RANGAP1: variants seen among roughly 807,000 people sequenced by gnomAD.
RANGAP1 encodes ran GTPase-activating protein 1.
A neutral mutation model predicts 63.5 loss-of-function variants in RANGAP1; 38 were observed. The ratio of observed to expected loss-of-function variants is 0.60; its 90% confidence interval spans 0.46 to 0.78. The LOEUF (loss-of-function observed/expected upper bound fraction) is 0.78. Among genes scored for constraint, RANGAP1 ranks in the 30% least tolerant of loss-of-function variants. The probability of loss-of-function intolerance (pLI) is 0.00; values close to 1 mark genes in which losing one functional copy is unlikely to be tolerated. For missense variants in RANGAP1, 630 were observed against 740.3 expected (o/e 0.85, Z 1.73); for synonymous variants, 329 against 310.5 (o/e 1.06, Z -0.63).
the RANGAP1 span, among the ~76,000 whole-genome samples, chr22:41,294,192 A>C: frequency 5.3e-5 from 8 of 152,264 alleles, no homozygotes; most frequent in African/African-American, 1.4e-4. Flanking sequence ...CCTGCGATTG[A>C]AGGCGTGCGC....
Position 41,254,299 on chromosome 22 carries a change from G to C in RANGAP1, c.1260+9C>G. On this transcript the variant is annotated intron_variant, in intron 11 of 15. Coordinates refer to ENST00000356244, the MANE Select transcript of RANGAP1 (RefSeq NM_002883.4). ...AGGGCTCTGATTGTGGCAGATGATA[G>C]AAACTCACCCCAGTGTTAGGGTCCA... The C allele has an allele frequency of 2.5e-6, 4 of 1,614,058 alleles. No individual in the cohort carries two copies. The highest frequency in any genetic ancestry group is 3.4e-6 in the Non-Finnish European group (4 of 1,179,990).
Position 41,249,520 on chromosome 22 carries a change from T to A in RANGAP1, c.1573-69A>T, listed in dbSNP as rs116354020. ...CTGGGGGGGCCCCTGGACTCCACCA[T>A]CCAGACTCTGCTGATAGTGCCCACA... is the stretch of plus-strand genomic sequence containing the variant. On this transcript the variant is annotated intron_variant, in intron 14 of 15. Coordinates refer to ENST00000356244, the MANE Select transcript of RANGAP1 (RefSeq NM_002883.4). The A allele has an allele frequency of 3.3e-3, 5,314 of 1,601,426 alleles. 137 individuals are homozygous for A. The African/African-American group carries it at 0.061, about 18-fold the overall frequency.
rs2033575220 is a variant in RANGAP1, at chr22:41,252,985, C to G, written c.1267G>C (p.Ala423Pro). 1 of 1,492,772 alleles carries G rather than the reference C, an allele frequency of 6.7e-7. No individual in the cohort carries two copies. Among genetic ancestry groups the G allele is most frequent in the Non-Finnish European group, 8.9e-7 (1 of 1,122,944 alleles). 92.5% of individuals were successfully genotyped at this position (1,492,772 alleles called of 1,614,324 possible). Reference protein sequence around the residue: ...KILDPNTGEPAPVLSSPPPAD... With the variant: ...KILDPNTGEPPPVLSSPPPAD... ...GGAGGTGGGGAGGACAGCACGGGAG[C>G]TGGCTCCTGGGAAGTAGGGGCACAG... The change falls in exon 12 of 16, where the codon GCT becomes CCT. Residue 423 changes from alanine (A) to proline (P), a missense_variant. By Grantham distance (27) the Ala-to-Pro change is conservative (BLOSUM62 -1). Coordinates refer to ENST00000356244, the MANE Select transcript of RANGAP1 (RefSeq NM_002883.4).
chr22:41,285,788 G>A (rs2035722791), intron 1 of RANGAP1, 198 bp downstream of exon 1: 2 of 830,504 alleles, frequency 2.4e-6, no homozygotes, highest in South Asian at 1.1e-4. Context: ...TTAAGCCTCA[G>A]TTTCCCCATT....
the RANGAP1 span, among the ~76,000 whole-genome samples, chr22:41,294,708 C>A: frequency 1.4e-5 from 2 of 143,674 alleles, no homozygotes; most frequent in African/African-American, 5.2e-5. Flanking sequence ...CCTGCCACCC[C>A]GTCCGGGATG....
rs1169379249 is a variant in RANGAP1, at chr22:41,285,892, G to A, written c.-39+94C>T. ...AGGCTAAGTGAAGAAGGCCGAGGGG[G>A]CAGGCAGAAGGCGCACACGGGCGCC... On this transcript the variant is annotated intron_variant, in intron 1 of 15. Transcript: ENST00000356244. 3.0e-4 allele frequency: 54 copies of A among 177,398 alleles called. No homozygotes were observed. The Admixed American group carries it at 3.1e-3, about 10-fold the overall frequency. 11.0% of individuals were successfully genotyped at this position (177,398 alleles called of 1,614,324 possible).
In RANGAP1 at chr22:41,244,857, C is replaced by T. The variant is rs1278027250; in HGVS notation, c.*1746G>A. The stretch of plus-strand genomic sequence containing the variant: ...ATGTTATGCAACCATCACCACTCTC[C>T]ATTTCCAGAACATCTTCATCATCCC... On this transcript the variant is annotated 3_prime_UTR_variant, in exon 16 of 16. Transcript: ENST00000356244. Among the ~76,000 whole-genome samples, 1 of 152,210 alleles carries T rather than the reference C, an allele frequency of 6.6e-6. No individual in the cohort carries two copies. Among genetic ancestry groups the T allele is most frequent in the Non-Finnish European group, 1.5e-5 (1 of 68,042 alleles).
At chr22:41,275,322 G>A (rs2145819149) in intron 2 of RANGAP1, among the ~76,000 whole-genome samples, 1 of 152,044 alleles carries the variant, frequency 6.6e-6, no homozygotes, top group South Asian at 2.1e-4. Flanking sequence ...GTGAAACTCT[G>A]TCTTACTAAA....
chr22:41,258,746 C>T (rs991511091), intron 6 of RANGAP1, among the ~76,000 whole-genome samples: 1 of 152,198 alleles, frequency 6.6e-6, no homozygotes, highest in Non-Finnish European at 1.5e-5. Context: ...CCTCTGCCTC[C>T]CAGGTTCAAG....
chr22:41,246,369 G>T lies in RANGAP1; in HGVS notation c.*234C>A, dbSNP rs898906427. On this transcript the variant is annotated 3_prime_UTR_variant, in exon 16 of 16. Transcript: ENST00000356244. ...CTGGGGGCCAACTCCCCACAACAGA[G>T]CAGGGCTGGGCCAGCAGAAGACGTT... 6 of 474,572 alleles carry T rather than the reference G, an allele frequency of 1.3e-5. No homozygotes were observed. Among genetic ancestry groups the T allele is most frequent in the Non-Finnish European group, 1.9e-5 (5 of 260,276 alleles). 29.4% of individuals were successfully genotyped at this position (474,572 alleles called of 1,614,324 possible). A position where few individuals can be genotyped will look rare whatever the true frequency, so the allele number is the denominator to read the frequency against.
chr22:41,269,982 C>T (rs1168002144), intron 3 of RANGAP1, among the ~76,000 whole-genome samples: 1 of 151,870 alleles, frequency 6.6e-6, no homozygotes, highest in Non-Finnish European at 1.5e-5. Flanking sequence ...TACAGGTGCC[C>T]GCTACCACGC....
chr22:41,277,925 G>T (rs1162607066), intron 2 of RANGAP1, among the ~76,000 whole-genome samples: 1 of 152,102 alleles, frequency 6.6e-6, no homozygotes, highest in African/African-American at 2.4e-5. Flanking sequence ...CTTCTTAGGA[G>T]CTGGGTAAGC....
At position 41,254,426 on chromosome 22, in the gene RANGAP1, T is replaced by C. The variant is rs758984965; in HGVS notation, c.1142A>G (p.Glu381Gly). 1.9e-6 allele frequency: 3 copies of C among 1,612,400 alleles called. No individual in the cohort carries two copies. The highest frequency in any genetic ancestry group is 2.5e-6 in the Non-Finnish European group (3 of 1,179,220). Reference protein sequence around the residue: ...EEEEEAEEEEEEDEEEEEEEE... With the variant: ...EEEEEAEEEEGEDEEEEEEEE... ...TTCTTCCTCCTCTTCCTCATCTTCCTCCTCCTCTTCTTCTGCTTCCTCTTC... is the reference window on the plus strand; with the variant it reads ...TTCTTCCTCCTCTTCCTCATCTTCCCCCTCCTCTTCTTCTGCTTCCTCTTC... The change falls in exon 11 of 16, where the codon GAG (glutamate) becomes GGG (glycine). Residue 381 changes from glutamate to glycine, a missense_variant. Physicochemically the swap from Glu to Gly is moderately conservative, Grantham distance 98 (BLOSUM62 -2). Transcript: ENST00000356244.
chr22:41,294,038 C>A, the RANGAP1 span, among the ~76,000 whole-genome samples: 1 of 151,234 alleles, frequency 6.6e-6, no homozygotes, highest in African/African-American at 2.4e-5. Context: ...CCCTCTCCTT[C>A]TCCCTCTCCC....
chr22:41,250,938 C>T (rs532243424), intron 13 of RANGAP1, 69 bp downstream of exon 13: 148 of 1,342,760 alleles, frequency 1.1e-4, no homozygotes, highest in Middle Eastern at 7.3e-4. Flanking sequence ...ACGGCAACCA[C>T]GAAGGATACC....
chr22:41,267,423 C>T (rs1281419589), intron 4 of RANGAP1, among the ~76,000 whole-genome samples: 1 of 152,188 alleles, frequency 6.6e-6, no homozygotes, highest in Non-Finnish European at 1.5e-5. Flanking sequence ...GACCAGAAAC[C>T]TGCACCCTCA....
intron 2 of RANGAP1, among the ~76,000 whole-genome samples, chr22:41,279,592 A>T (rs974192061): frequency 2.6e-5 from 4 of 151,788 alleles, no homozygotes; most frequent in Admixed American, 2.0e-4. Flanking sequence ...AAGTGAGCTG[A>T]GATTGCACCA....
At chr22:41,249,107 C>A (rs2033253763) in intron 15 of RANGAP1, among the ~76,000 whole-genome samples, 1 of 152,242 alleles carries the variant, frequency 6.6e-6, no homozygotes, top group African/African-American at 2.4e-5. Flanking sequence ...TGTCCCTGAG[C>A]CCCACTGTCC....
the RANGAP1 span, among the ~76,000 whole-genome samples, chr22:41,294,036 TTCTCCCTCTCCCTCTCCCCACGG>T: frequency 1.3e-3 from 202 of 151,160 alleles, 2 homozygotes; most frequent in East Asian, 9.7e-4. Context: ...CTCCCTCTCC[TTCTCCCTCTCCCTCTCCCCACGG>T]TCTCCCTCTC....
Sources: allele counts gnomAD v4.1 joint callset (sites outside exome capture counted in the v4.1 genomes callset), GRCh38; gene constraint gnomAD v4.1.1; transcripts MANE v1.5; gene names NCBI Gene and HGNC (gene_info 2026-07-23, HGNC 2026-07-21).